CALCRL: variants seen among roughly 807,000 people sequenced by gnomAD.
CALCRL encodes calcitonin receptor like receptor, also known as calcitonin gene-related peptide type 1 receptor.
A neutral mutation model predicts 60.4 loss-of-function variants in CALCRL; 27 were observed. The observed-to-expected ratio is 0.45, with a 90% confidence interval of 0.33 to 0.62. The LOEUF (loss-of-function observed/expected upper bound fraction) is 0.62. CALCRL is among the 20% of genes least tolerant of loss of function. The pLI, the probability that CALCRL is intolerant of heterozygous loss-of-function variation, is 0.03. For missense variants in CALCRL, 424 were observed against 540.7 expected (o/e 0.78, Z 2.14); for synonymous variants, 190 against 182.6 (o/e 1.04, Z -0.33).
intron 1 of CALCRL, among the ~76,000 whole-genome samples, chr2:187,415,089 T>A (rs1689545680): frequency 6.6e-6 from 1 of 152,060 alleles, no homozygotes; most frequent in Non-Finnish European, 1.5e-5. Flanking sequence ...AGGAATAAAG[T>A]AGCAATATGT....
intron 1 of CALCRL, among the ~76,000 whole-genome samples, chr2:187,447,371 G>GT (rs964152333): frequency 1.2e-3 from 170 of 146,540 alleles, no homozygotes; most frequent in African/African-American, 2.8e-3. Flanking sequence ...TAAACTCTAG[G>GT]TTTTTTTTTT....
intron 8 of CALCRL, among the ~76,000 whole-genome samples, chr2:187,367,770 G>A (rs1687358503): frequency 1.3e-5 from 2 of 151,730 alleles, no homozygotes; most frequent in African/African-American, 4.8e-5. Flanking sequence ...TTCTATCCCC[G>A]CATAACCACA....
chr2:187,383,712 T>G (rs1688082806), intron 4 of CALCRL, among the ~76,000 whole-genome samples: 1 of 152,158 alleles, frequency 6.6e-6, no homozygotes, highest in Non-Finnish European at 1.5e-5. Context: ...GCTTCCTTAT[T>G]GTAAAATAGT....
At position 187,358,219 on chromosome 2, in the gene CALCRL, AGTAGTGTATAC is replaced by A. The variant is rs561485907; in HGVS notation, c.909+833_909+843del. On this transcript the variant is annotated intron_variant, in intron 12 of 14. Transcript: ENST00000392370. ...AAATTTTTAAAAATTATCCAAGCAT[AGTAGTGTATAC>A]GTATAGTCTTAGCTTCTCAAGAGCC... 4.9e-3 allele frequency among the ~76,000 whole-genome samples: 740 copies of A among 152,022 alleles called. 5 individuals are homozygous for A. Among genetic ancestry groups the A allele is most frequent in the Middle Eastern group, 0.027 (8 of 294 alleles).
At chr2:187,395,705 T>G (rs1450300709) in intron 1 of CALCRL, among the ~76,000 whole-genome samples, 1 of 151,980 alleles carries the variant, frequency 6.6e-6, no homozygotes, top group Non-Finnish European at 1.5e-5. Context: ...TTTTGAGGCT[T>G]ACTTCATTGA....
chr2:187,359,976 A>G (rs1432806670), intron 10 of CALCRL, among the ~76,000 whole-genome samples: 1 of 152,030 alleles, frequency 6.6e-6, no homozygotes, highest in East Asian at 1.9e-4. Flanking sequence ...AGATAAGTAC[A>G]ACTTCAGTTT....
intron 1 of CALCRL, among the ~76,000 whole-genome samples, chr2:187,421,954 G>A (rs192131904): frequency 2.6e-5 from 4 of 152,282 alleles, no homozygotes; most frequent in East Asian, 1.9e-4. Flanking sequence ...AGATGCTGGT[G>A]GGAGTGTAAT....
intron 9 of CALCRL, 84 bp downstream of exon 9, chr2:187,363,292 A>G: frequency 7.7e-7 from 1 of 1,301,036 alleles, no homozygotes; most frequent in Non-Finnish European, 1.0e-6. Context: ...TGTGTACTTA[A>G]TTATACACAT....
At chr2:187,425,307 A>G (rs1690072139) in intron 1 of CALCRL, among the ~76,000 whole-genome samples, 1 of 151,966 alleles carries the variant, frequency 6.6e-6, no homozygotes, top group Admixed American at 6.6e-5. Flanking sequence ...GCTATTTGCT[A>G]ATAGTCATGT....
rs1371712970 is a variant in CALCRL at position 187,363,428 on chromosome 2, A to G, written c.575T>C (p.Ile192Thr). 3 of 1,612,744 alleles carry G rather than the reference A, an allele frequency of 1.9e-6. No homozygotes were observed. The highest frequency in any genetic ancestry group is 2.5e-6 in the Non-Finnish European group (3 of 1,179,284). ...GTTGGCCACTGCAGTGAGGTGAATG[A>G]TTGTTACAACAGAGTTACAAACAAA... ...FSFVCNSVVT[I>T]IHLTAVANNQ... The change falls in exon 9 of 15, where the codon ATC becomes ACC. Residue 192 changes from isoleucine (I) to threonine (T), a missense_variant. Transcript: ENST00000392370.
chr2:187,359,177 A>T (rs767058677), intron 11 of CALCRL, 35 bp downstream of exon 11: 2 of 1,597,620 alleles, frequency 1.3e-6, no homozygotes, highest in Non-Finnish European at 1.7e-6. Context: ...ATTTTACATT[A>T]TTCCAGTAGA....
In CALCRL at chr2:187,412,724, C is replaced by T. The variant is rs181957019; in HGVS notation, c.-292-24968G>A. ...CAAGTGTGAAGAGTGAGAGTTGAAT[C>T]AAGCCTCAAGGCCTTAAGGCTTAAT... On this transcript the variant is annotated intron_variant, in intron 1 of 14. Coordinates refer to ENST00000392370, the MANE Select transcript of CALCRL (RefSeq NM_005795.6). Among the ~76,000 whole-genome samples the T allele has an allele frequency of 1.1e-4, 16 of 152,244 alleles. No homozygotes were observed. The East Asian group carries it at 3.1e-3, about 29-fold the overall frequency.
At chr2:187,421,152 T>C (rs746887752) in intron 1 of CALCRL, among the ~76,000 whole-genome samples, 6 of 152,210 alleles carry the variant, frequency 3.9e-5, no homozygotes, top group Non-Finnish European at 7.3e-5. Flanking sequence ...GCCAGCCAGG[T>C]GACTCATAGG....
At position 187,346,353 on chromosome 2, in the gene CALCRL, A is replaced by G; in HGVS notation, c.1217T>C (p.Phe406Ser). The change falls in exon 15 of 15, where the codon TTT becomes TCT. Residue 406 changes from phenylalanine to serine, a missense_variant. Physicochemically the swap from Phe to Ser is radical, Grantham distance 155. This residue lies in a region of CALCRL where 222 missense variants were observed against 265.6 expected (regional missense o/e 0.84). Transcript: ENST00000392370. ...RRNWNQYKIQ[F>S]GNSFSNSEAL... ...TTCTGAGTTGGAAAAGCTGTTTCCA[A>G]ATTGGATTTTGTATTGATTCCAGTT... The G allele has an allele frequency of 1.2e-6, 2 of 1,612,252 alleles. No homozygotes were observed. Among genetic ancestry groups the G allele is most frequent in the Non-Finnish European group, 1.7e-6 (2 of 1,178,920 alleles).
Position 187,343,493 on chromosome 2 carries a change from G to A in CALCRL, c.*2691C>T, listed in dbSNP as rs1455802463. The A allele has an allele frequency of 6.6e-6, 1 of 151,642 alleles. No individual in the cohort carries two copies. The highest frequency in any genetic ancestry group is 1.5e-5 in the Non-Finnish European group (1 of 67,500). 9.4% of individuals were successfully genotyped at this position (151,642 alleles called of 1,614,324 possible). ...AAAAAAATTATAAGCAATAAATACAGCACTACAGCCACCACTAATTCTATA... is the reference window on the plus strand; with the variant it reads ...AAAAAAATTATAAGCAATAAATACAACACTACAGCCACCACTAATTCTATA... On this transcript the variant is annotated 3_prime_UTR_variant, in exon 15 of 15. Coordinates refer to ENST00000392370, the MANE Select transcript of CALCRL (RefSeq NM_005795.6).
At chr2:187,438,734 C>A (rs1262783179) in intron 1 of CALCRL, among the ~76,000 whole-genome samples, 1 of 152,072 alleles carries the variant, frequency 6.6e-6, no homozygotes, top group African/African-American at 2.4e-5. Context: ...ACTGAGCAAT[C>A]TTCTCATTTA....
chr2:187,360,301 A>G, intron 10 of CALCRL, among the ~76,000 whole-genome samples: 1 of 152,200 alleles, frequency 6.6e-6, no homozygotes, highest in South Asian at 2.1e-4. Flanking sequence ...TCTTTAATTT[A>G]TGATTCTACT....
At chr2:187,370,589 T>G (rs569257121) in intron 8 of CALCRL, among the ~76,000 whole-genome samples, 13 of 152,304 alleles carry the variant, frequency 8.5e-5, no homozygotes, top group Middle Eastern at 3.4e-3. Context: ...AATGTGGATT[T>G]ATAGCTTTAT....
chr2:187,354,637 T>C (rs934231945), intron 12 of CALCRL, among the ~76,000 whole-genome samples: 11 of 152,020 alleles, frequency 7.2e-5, no homozygotes, highest in Non-Finnish European at 1.6e-4. Flanking sequence ...GAATGATTTA[T>C]CCGGACAGAA....
Sources: allele counts gnomAD v4.1 joint callset (sites outside exome capture counted in the v4.1 genomes callset), GRCh38; gene constraint gnomAD v4.1.1; regional missense constraint gnomAD v4.1.1; transcripts MANE v1.5; gene names NCBI Gene and HGNC (gene_info 2026-07-23, HGNC 2026-07-21).